VWA5A: variants seen among roughly 807,000 people sequenced by gnomAD.
VWA5A encodes von Willebrand factor A domain containing 5A, also known as von Willebrand factor A domain-containing protein 5A.
In VWA5A, 77 loss-of-function variants were observed where a neutral mutation model predicts 84.6. That is an observed-to-expected ratio of 0.91 (90% confidence interval 0.76 to 1.10). The LOEUF (loss-of-function observed/expected upper bound fraction) is 1.10, where lower values mean the gene tolerates loss of function less well. Among genes scored for constraint, VWA5A ranks in the 50% least tolerant of loss-of-function variants. The pLI is 0.00. For missense variants in VWA5A, 973 were observed against 963.0 expected, an observed-to-expected ratio of 1.01 and a Z score of -0.14; for synonymous variants, 334 against 350.1, an observed-to-expected ratio of 0.95 and a Z score of 0.51.
chr11:124,138,019 C>A (rs924676108), intron 15 of VWA5A, among the ~76,000 whole-genome samples: 2 of 152,172 alleles, frequency 1.3e-5, no homozygotes, highest in African/African-American at 4.8e-5. Context: ...CCACCATGCC[C>A]AGCTAATTTT....
intron 12 of VWA5A, among the ~76,000 whole-genome samples, chr11:124,135,711 T>C (rs1162116344): frequency 1.3e-5 from 2 of 149,830 alleles, no homozygotes; most frequent in East Asian, 2.0e-4. Flanking sequence ...TTTGTATTTT[T>C]AGTAGAGACG....
intron 11 of VWA5A, among the ~76,000 whole-genome samples, chr11:124,133,966 T>C (rs927113204): frequency 2.6e-5 from 4 of 152,232 alleles, no homozygotes; most frequent in African/African-American, 9.6e-5. Flanking sequence ...AGGCTGCTCT[T>C]GAACTCCTGG....
At chr11:124,127,343 A>C (rs1865033573) in intron 11 of VWA5A, among the ~76,000 whole-genome samples, 1 of 152,216 alleles carries the variant, frequency 6.6e-6, no homozygotes, top group Non-Finnish European at 1.5e-5. Flanking sequence ...AAAGGACATG[A>C]ACTCATCCTT....
intron 11 of VWA5A, among the ~76,000 whole-genome samples, chr11:124,133,537 C>T (rs1865128911): frequency 6.6e-6 from 1 of 152,138 alleles, no homozygotes; most frequent in Non-Finnish European, 1.5e-5. Flanking sequence ...TTGTATACAG[C>T]TTTCCTAGTT....
Position 124,118,382 on chromosome 11 carries a change from C to T in VWA5A, c.440C>T (p.Ala147Val), listed in dbSNP as rs755146211. 1 of 1,614,224 alleles carries T rather than the reference C, an allele frequency of 6.2e-7. No homozygotes were observed. The highest frequency in any genetic ancestry group is 2.2e-5 in the East Asian group (1 of 44,882). ...ADGALRFVLP[A>V]VLNPRYQFSG... ...GGGGCTCTGCGCTTTGTGCTCCCAG[C>T]TGTCCTGAATCCTAGATACCAGTTC... The change falls in exon 5 of 19, where the codon GCT (alanine) becomes GTT (valine). Residue 147 changes from alanine (A) to valine (V), a missense_variant. Transcript: ENST00000456829.
At chr11:124,117,370 C>G in intron 2 of VWA5A, 127 bp from the exon 3 acceptor site, 1 of 929,260 alleles carries the variant, frequency 1.1e-6, no homozygotes, top group Non-Finnish European at 1.7e-6. Flanking sequence ...TTTAAAGGTT[C>G]CAACTTCCTA....
At chr11:124,128,353 T>C (rs903932556) in intron 11 of VWA5A, among the ~76,000 whole-genome samples, 1 of 152,214 alleles carries the variant, frequency 6.6e-6, no homozygotes, top group African/African-American at 2.4e-5. Context: ...GAGGCCTCTG[T>C]TCTGTACCAT....
In VWA5A at chr11:124,118,334, A is replaced by C; in HGVS notation, c.392A>C (p.Gln131Pro). 6.2e-7 allele frequency: 1 copy of C among 1,614,250 alleles called. No individual in the cohort carries two copies. Among genetic ancestry groups the C allele is most frequent in the South Asian group, 1.1e-5 (1 of 91,082 alleles). ...GCGGCAGTCACCCTGAAGTATGTGC[A>C]GGAGCTGCCTCTGGAAGCAGATGGG... is the stretch of plus-strand genomic sequence containing the variant. ...SKAAVTLKYV[Q>P]ELPLEADGAL... Residue 131 changes from glutamine (Q) to proline (P), a missense_variant, in exon 5 of 19, where the codon CAG becomes CCG. By Grantham distance (76) the Gln-to-Pro change is moderately conservative. Coordinates refer to ENST00000456829, the MANE Select transcript of VWA5A (RefSeq NM_001130142.2).
At chr11:124,124,669 T>C (rs1463337547) in intron 11 of VWA5A, 28 of 633,486 alleles carry the variant, frequency 4.4e-5, no homozygotes, top group Non-Finnish European at 5.6e-5. Flanking sequence ...GTGAATGCAC[T>C]GTGTGATCGC....
At chr11:124,141,493 C>G in intron 15 of VWA5A, 105 bp from the exon 16 acceptor site, 1 of 1,440,410 alleles carries the variant, frequency 6.9e-7, no homozygotes, top group Non-Finnish European at 9.5e-7. Flanking sequence ...AGGGTGGTGA[C>G]TGAAGCCAGT....
rs755684523 is a variant in VWA5A at position 124,145,860 on chromosome 11, C to T, written c.2282-6C>T. 15 of 1,573,208 alleles carry T rather than the reference C, an allele frequency of 9.5e-6. No homozygotes were observed. Among genetic ancestry groups the T allele is most frequent in the Non-Finnish European group, 1.3e-5 (15 of 1,155,800 alleles). ...CATCCCTGCTTCTTGTTTTTCCTCA[C>T]CACAGGCTCCACCATGCCTTCGGTT... On this transcript the variant is annotated splice_polypyrimidine_tract_variant and splice_region_variant and intron_variant, in intron 18 of 18. Transcript: ENST00000456829.
intron 15 of VWA5A, 107 bp from the exon 16 acceptor site, chr11:124,141,491 G>A: frequency 7.0e-7 from 1 of 1,419,652 alleles, no homozygotes. Context: ...TAAGGGTGGT[G>A]ACTGAAGCCA....
intron 14 of VWA5A, 125 bp downstream of exon 14, chr11:124,136,799 C>T: frequency 1.3e-6 from 1 of 786,484 alleles, no homozygotes; most frequent in Admixed American, 2.8e-5. Context: ...CTTCTTTCCT[C>T]TGCCATCTTT....
In VWA5A at chr11:124,118,623, A is replaced by T; in HGVS notation, c.560A>T (p.Asp187Val). 1.2e-6 allele frequency: 2 copies of T among 1,614,162 alleles called. No individual in the cohort carries two copies. Among genetic ancestry groups the T allele is most frequent in the Non-Finnish European group, 1.7e-6 (2 of 1,180,026 alleles). ...ACACTCAGCATGGTCGCCACCATAG[A>T]TTCCCAGCATGGCATTGAGAAGGTC... is the stretch of plus-strand genomic sequence containing the variant. ...PYTLSMVATI[D>V]SQHGIEKVQS... Residue 187 changes from aspartate (D) to valine (V), a missense_variant, in exon 6 of 19, where the codon GAT (aspartate) becomes GTT (valine). Coordinates refer to ENST00000456829, the MANE Select transcript of VWA5A (RefSeq NM_001130142.2).
chr11:124,135,076 C>A, intron 12 of VWA5A, 42 bp downstream of exon 12: 1 of 1,562,308 alleles, frequency 6.4e-7, no homozygotes. Context: ...GGTGGCAATC[C>A]AGACCAAAGT....
intron 11 of VWA5A, among the ~76,000 whole-genome samples, chr11:124,134,091 G>A (rs1039913745): frequency 6.6e-6 from 1 of 152,186 alleles, no homozygotes; most frequent in Non-Finnish European, 1.5e-5. Context: ...ACAATTCAAA[G>A]ATCATGTTAG....
chr11:124,134,995 C>T lies in VWA5A; in HGVS notation c.1320C>T (p.Thr440=). The change falls in exon 12 of 19, where the codon ACC becomes ACT. Residue 440 remains threonine (T), a synonymous_variant. Coordinates refer to ENST00000456829, the MANE Select transcript of VWA5A (RefSeq NM_001130142.2). Reference sequence around the variant, plus strand: ...GTATTGCCCGGGCATCAGGGGGCACCTCAGAATTTATCACAGGCAAAGACA... The same window carrying T: ...GTATTGCCCGGGCATCAGGGGGCACTTCAGAATTTATCACAGGCAAAGACA... ...IKGIARASGG[T]SEFITGKDRM... The T allele has an allele frequency of 6.2e-7, 1 of 1,613,608 alleles. No homozygotes were observed. Among genetic ancestry groups the T allele is most frequent in the Non-Finnish European group, 8.5e-7 (1 of 1,179,810 alleles).
chr11:124,117,850 T>A lies in VWA5A; in HGVS notation c.221T>A (p.Val74Glu). 6.2e-7 allele frequency: 1 copy of A among 1,614,218 alleles called. No homozygotes were observed. The highest frequency in any genetic ancestry group is 1.3e-5 in the African/African-American group (1 of 75,066). Reference protein sequence around the residue: ...FEALVDGKKIVAELQDKMKAR... With the variant: ...FEALVDGKKIEAELQDKMKAR... ...GCCTTGGTGGATGGGAAGAAAATTG[T>A]AGCAGAATTACAAGACAAGATGAAG... Residue 74 changes from valine to glutamate, a missense_variant, in exon 4 of 19, where the codon GTA becomes GAA. Physicochemically the swap from Val to Glu is moderately radical, Grantham distance 121. Transcript: ENST00000456829.
chr11:124,138,091 A>C (rs1020759210), intron 15 of VWA5A, among the ~76,000 whole-genome samples: 9 of 152,038 alleles, frequency 5.9e-5, no homozygotes, highest in African/African-American at 2.2e-4. Flanking sequence ...GGCTTATTTC[A>C]CTTGACATAA....
Sources: allele counts gnomAD v4.1 joint callset (sites outside exome capture counted in the v4.1 genomes callset), GRCh38; gene constraint gnomAD v4.1.1; transcripts MANE v1.5; gene names NCBI Gene and HGNC (gene_info 2026-07-23, HGNC 2026-07-21).